The following IFTAP variants were observed in gnomAD, a reference collection of about 807,000 sequenced individuals.
IFTAP encodes intraflagellar transport-associated protein.
In IFTAP, 19 loss-of-function variants were observed where a neutral mutation model predicts 19.4. The ratio of observed to expected loss-of-function variants is 0.98; its 90% CI spans 0.68 to 1.44. The LOEUF (loss-of-function observed/expected upper bound fraction) is 1.44. Ranked by LOEUF, IFTAP falls within the 40% of genes most tolerant of loss-of-function variation. The pLI is 0.00. For missense variants in IFTAP, 240 were observed against 253.6 expected (o/e 0.95, Z 0.36); for synonymous variants, 85 against 83.5 (o/e 1.02, Z -0.10).
At chr11:36,634,867 G>C (rs1852875385) in intron 3 of IFTAP, among the ~76,000 whole-genome samples, 1 of 151,984 alleles carries the variant, frequency 6.6e-6, no homozygotes, top group African/African-American at 2.4e-5. Context: ...TGGTCAGCTG[G>C]GTTCTGGATC....
chr11:36,619,024 A>G (rs1262832876), intron 2 of IFTAP, among the ~76,000 whole-genome samples: 1 of 151,968 alleles, frequency 6.6e-6, no homozygotes, highest in African/African-American at 2.4e-5. Flanking sequence ...AGAGTCAAGG[A>G]AGAGTCACAG....
At chr11:36,595,008 T>G (rs1448282168) in intron 1 of IFTAP, 1 of 152,142 alleles carries the variant, frequency 6.6e-6, no homozygotes, top group Admixed American at 6.5e-5. Flanking sequence ...ATCCCTAGAG[T>G]GCAGGGGAGA....
chr11:36,620,049 A>C (rs1852238152), intron 2 of IFTAP, among the ~76,000 whole-genome samples: 3 of 152,064 alleles, frequency 2.0e-5, no homozygotes, highest in Admixed American at 2.0e-4. Context: ...CAATTAAAAA[A>C]ATTAATTAAT....
At chr11:36,651,004 C>G (rs1324277561) in intron 5 of IFTAP, among the ~76,000 whole-genome samples, 1 of 151,978 alleles carries the variant, frequency 6.6e-6, no homozygotes, top group Non-Finnish European at 1.5e-5. Flanking sequence ...TGAATAATGC[C>G]GCAATAAACA....
Position 36,627,701 on chromosome 11 carries a change from T to C in IFTAP, c.137-5583T>C, listed in dbSNP as rs561197874. The stretch of plus-strand genomic sequence containing the variant: ...ATCTGTTCCCAGTGTGGGCCACCTC[T>C]TTTGTGGTCTTGACTAAGTTAGTTG... On this transcript the variant is annotated intron_variant, in intron 2 of 5. Coordinates refer to ENST00000334307, the MANE Select transcript of IFTAP (RefSeq NM_138787.4). 2.0e-5 allele frequency among the ~76,000 whole-genome samples: 3 copies of C among 151,326 alleles called. No homozygotes were observed. The South Asian group carries it at 6.2e-4, about 31-fold the overall frequency.
intron 5 of IFTAP, among the ~76,000 whole-genome samples, chr11:36,658,460 CAA>C (rs1219462869): frequency 6.6e-6 from 1 of 152,034 alleles, no homozygotes; most frequent in Non-Finnish European, 1.5e-5. Context: ...TTGGTAGAAA[CAA>C]AGAGATCCTG....
In IFTAP at chr11:36,608,799, T is replaced by C. The variant is rs970957154; in HGVS notation, c.-23-1282T>C. On this transcript the variant is annotated intron_variant, in intron 1 of 5. Coordinates refer to ENST00000334307, the MANE Select transcript of IFTAP (RefSeq NM_138787.4). ...GTTGTGGATGGTATATATAAAGGGA[T>C]GCAGTCAATGTGAAATTTTTTCCAG... is the stretch of plus-strand genomic sequence containing the variant. 6.6e-5 allele frequency among the ~76,000 whole-genome samples: 10 copies of C among 152,310 alleles called. No individual in the cohort carries two copies. The East Asian group carries it at 1.9e-3, about 29-fold the overall frequency.
intron 2 of IFTAP, among the ~76,000 whole-genome samples, chr11:36,618,415 G>C (rs937730270): frequency 6.6e-6 from 1 of 151,930 alleles, no homozygotes; most frequent in Admixed American, 6.6e-5. Flanking sequence ...TATGCCAACA[G>C]GAATGGATGT....
At chr11:36,644,856 G>C (rs1428185608) in intron 4 of IFTAP, among the ~76,000 whole-genome samples, 1 of 126,772 alleles carries the variant, frequency 7.9e-6, no homozygotes, top group African/African-American at 2.9e-5. Context: ...GTCGTGGGGT[G>C]GGGGGAGGGG....
chr11:36,620,575 A>G (rs901086372), intron 2 of IFTAP, among the ~76,000 whole-genome samples: 3 of 152,050 alleles, frequency 2.0e-5, no homozygotes, highest in Non-Finnish European at 4.4e-5. Context: ...AGTTGTTATA[A>G]TTCATATTCA....
At chr11:36,644,960 G>A (rs1853417840) in intron 4 of IFTAP, among the ~76,000 whole-genome samples, 1 of 151,732 alleles carries the variant, frequency 6.6e-6, no homozygotes, top group Non-Finnish European at 1.5e-5. Flanking sequence ...TAACAAACCT[G>A]CACGTTGTGC....
chr11:36,658,757 T>G (rs1333580749), intron 5 of IFTAP, among the ~76,000 whole-genome samples: 1 of 152,170 alleles, frequency 6.6e-6, no homozygotes, highest in Non-Finnish European at 1.5e-5. Context: ...CAAGGGAGAC[T>G]TTCTGATTCT....
intron 2 of IFTAP, among the ~76,000 whole-genome samples, chr11:36,610,816 ATGC>A (rs72422923): frequency 0.15 from 23,373 of 151,832 alleles, 2,584 homozygotes; most frequent in African/African-American, 0.31. Context: ...TGCTGTTGTG[ATGC>A]TGCTGCTGCT....
intron 2 of IFTAP, among the ~76,000 whole-genome samples, chr11:36,632,387 A>G (rs1852761826): frequency 1.3e-5 from 2 of 151,228 alleles, no homozygotes. Context: ...CTACATTTGC[A>G]GCTGCCTTTG....
At chr11:36,626,325 GAT>G (rs1417833613) in intron 2 of IFTAP, among the ~76,000 whole-genome samples, 1 of 151,370 alleles carries the variant, frequency 6.6e-6, no homozygotes, top group Non-Finnish European at 1.5e-5. Context: ...TGAGCTGAAA[GAT>G]ATGTAAAGTG....
At chr11:36,627,855 T>C (rs1408718054) in intron 2 of IFTAP, among the ~76,000 whole-genome samples, 1 of 151,076 alleles carries the variant, frequency 6.6e-6, no homozygotes, top group Non-Finnish European at 1.5e-5. Context: ...AAAAAAGTTA[T>C]CTAGGGCATG....
At chr11:36,613,812 C>G (rs1565010081) in intron 2 of IFTAP, among the ~76,000 whole-genome samples, 1 of 152,026 alleles carries the variant, frequency 6.6e-6, no homozygotes. Context: ...GATTTTAGTA[C>G]TGATATATCT....
At chr11:36,636,431 C>G (rs1289029359) in intron 4 of IFTAP, among the ~76,000 whole-genome samples, 1 of 152,148 alleles carries the variant, frequency 6.6e-6, no homozygotes, top group South Asian at 2.1e-4. Context: ...CCTAGAGGTA[C>G]AGTCTTGTAA....
intron 4 of IFTAP, 78 bp from the exon 5 acceptor site, chr11:36,647,938 G>T (rs1246753075): frequency 2.0e-6 from 3 of 1,515,400 alleles, no homozygotes; most frequent in Admixed American, 1.9e-5. Flanking sequence ...CATTTTCTTC[G>T]ACTTCTGGGC....
Sources: allele counts gnomAD v4.1 joint callset (sites outside exome capture counted in the v4.1 genomes callset), GRCh38; gene constraint gnomAD v4.1.1; transcripts MANE v1.5; gene names NCBI Gene and HGNC (gene_info 2026-07-23, HGNC 2026-07-21).